PHKG1: variants seen among roughly 807,000 people sequenced by gnomAD.
PHKG1 encodes the protein phosphorylase kinase catalytic subunit gamma 1, also known as phosphorylase b kinase gamma catalytic chain, skeletal muscle/heart isoform.
Under a neutral mutation model 50.5 loss-of-function variants are expected in PHKG1, and 48 were observed. The observed-to-expected ratio is 0.95, with a 90% CI of 0.75 to 1.21. The LOEUF (loss-of-function observed/expected upper bound fraction) is 1.21, where lower values mean the gene tolerates loss of function less well. PHKG1 is among the 50% of genes most tolerant of loss of function. The probability of loss-of-function intolerance (pLI) is 0.00; values close to 1 mark genes in which losing one functional copy is unlikely to be tolerated. For missense variants in PHKG1, 487 were observed against 519.5 expected (o/e 0.94, Z 0.61); for synonymous variants, 204 against 212.8 (o/e 0.96, Z 0.36).
At chr7:56,092,138 G>A (rs1796513370) in intron 1 of PHKG1, among the ~76,000 whole-genome samples, 1 of 152,188 alleles carries the variant, frequency 6.6e-6, no homozygotes, top group African/African-American at 2.4e-5. Context: ...ACCTTTCCTG[G>A]GGGGCTGAGG....
chr7:56,081,061 T>A lies in PHKG1; in HGVS notation c.1157A>T (p.Asp386Val). The change falls in exon 10 of 10, where the codon GAC (aspartate) becomes GTC (valine). Residue 386 changes from aspartate (D) to valine (V), a missense_variant. By Grantham distance (152) the Asp-to-Val change is radical. Coordinates refer to ENST00000297373, the MANE Select transcript of PHKG1 (RefSeq NM_006213.5). This position sits in a 1 kb window ranked among gnomAD's most constrained non-coding sequence, Gnocchi z 4.6. Reference sequence around the variant, plus strand: ...CCCTGACTGGCCAGCCCCTCAGTAGTCCTCCTCGGCCAGGGAGAGGAGCAC... The same window carrying A: ...CCCTGACTGGCCAGCCCCTCAGTAGACCTCCTCGGCCAGGGAGAGGAGCAC... Reference protein sequence around the residue: ...KAVLLSLAEEDY With the variant: ...KAVLLSLAEEVY 6.2e-7 allele frequency: 1 copy of A among 1,612,194 alleles called. No homozygotes were observed. The highest frequency in any genetic ancestry group is 8.5e-7 in the Non-Finnish European group (1 of 1,179,834).
chr7:56,084,026 G>T, intron 4 of PHKG1: 1 of 632,908 alleles, frequency 1.6e-6, no homozygotes, highest in South Asian at 1.9e-5. Flanking sequence ...ACCATTTCAT[G>T]AGGTAGGCAT....
Position 56,083,359 on chromosome 7 carries a change from T to C in PHKG1, c.466A>G (p.Ile156Val). Residue 156 changes from isoleucine to valine, a missense_variant, in exon 6 of 10, where the codon ATT becomes GTT. Transcript: ENST00000297373. Reference sequence around the variant, plus strand: ...ATGTTCATGTTGTCATCCAAGAGAATGTTCTCGGGCTTCAGGTCCCGGTGC... The same window carrying C: ...ATGTTCATGTTGTCATCCAAGAGAACGTTCTCGGGCTTCAGGTCCCGGTGC... ...IVHRDLKPEN[I>V]LLDDNMNIKL... is the part of the protein sequence containing the mutation. 6.2e-7 allele frequency: 1 copy of C among 1,614,136 alleles called. No homozygotes were observed. The highest frequency in any genetic ancestry group is 8.5e-7 in the Non-Finnish European group (1 of 1,180,022).
chr7:56,088,058 C>T (rs1427916053), intron 2 of PHKG1, among the ~76,000 whole-genome samples: 3 of 99,480 alleles, frequency 3.0e-5, no homozygotes, highest in African/African-American at 1.2e-4. Flanking sequence ...TTTTTTGAGA[C>T]GGAGTCTCGC....
chr7:56,083,777 T>C, intron 4 of PHKG1, 62 bp from the exon 5 acceptor site: 1 of 1,179,388 alleles, frequency 8.5e-7, no homozygotes, highest in Non-Finnish European at 1.2e-6. Context: ...CTTACCCTGC[T>C]CCCAGAGAGC....
intron 1 of PHKG1, among the ~76,000 whole-genome samples, chr7:56,090,718 T>C (rs1214260113): frequency 2.0e-5 from 3 of 152,178 alleles, no homozygotes; most frequent in Non-Finnish European, 4.4e-5. Context: ...GTTGGGCAGG[T>C]ACCCCTTTGG....
chr7:56,081,196 C>T lies in PHKG1; in HGVS notation c.1022G>A (p.Arg341Gln), dbSNP rs763494578. 3.2e-5 allele frequency: 52 copies of T among 1,613,788 alleles called. No homozygotes were observed. The highest frequency in any genetic ancestry group is 6.7e-5 in the East Asian group (3 of 44,880). Residue 341 changes from arginine (R) to glutamine (Q), a missense_variant, in exon 10 of 10, where the codon CGG (arginine) becomes CAG (glutamine). Transcript: ENST00000297373. This position sits in a 1 kb window ranked among gnomAD's most constrained non-coding sequence, Gnocchi z 4.6. The stretch of plus-strand genomic sequence containing the variant: ...GGCGTCGATGAGCCGGCGCAGAGGC[C>T]GGAGGGCATAGGGGTCTCGGATGAC... ...EIVIRDPYAL[R>Q]PLRRLIDAYA...
intron 2 of PHKG1, 27 bp from the exon 3 acceptor site, chr7:56,087,803 C>T (rs550444350): frequency 1.0e-5 from 16 of 1,591,224 alleles, no homozygotes; most frequent in East Asian, 4.5e-5. Context: ...CAGATGGCCT[C>T]GGGGGGCCCC....
intron 4 of PHKG1, among the ~76,000 whole-genome samples, chr7:56,086,055 C>T (rs1316267104): frequency 6.6e-6 from 1 of 151,608 alleles, no homozygotes; most frequent in African/African-American, 2.4e-5. Flanking sequence ...GCTAAAATGC[C>T]TGCAGGACCT....
chr7:56,080,726 T>TAGATCTCGGTGGTCG lies in PHKG1; in HGVS notation c.*327_*328insCGACCACCGAGATCT. 1 of 360,014 alleles carries TAGATCTCGGTGGTCG rather than the reference T, an allele frequency of 2.8e-6. No homozygotes were observed. Among genetic ancestry groups the TAGATCTCGGTGGTCG allele is most frequent in the Non-Finnish European group, 5.2e-6 (1 of 192,424 alleles). 22.3% of individuals were successfully genotyped at this position (360,014 alleles called of 1,614,324 possible). A position where few individuals can be genotyped will look rare whatever the true frequency, so the allele number is the denominator to read the frequency against. On this transcript the variant is annotated 3_prime_UTR_variant, in exon 10 of 10. Transcript: ENST00000297373. ...ACCCTAAGGGAAGAAAGCCTGAGTG[T>TAGATCTCGGTGGTCG]CAGTAACTCTGGGCCTCCCCTAAAG...
chr7:56,086,808 C>T (rs777078842), intron 4 of PHKG1, 162 bp downstream of exon 4: 20 of 623,592 alleles, frequency 3.2e-5, no homozygotes, highest in Non-Finnish European at 5.0e-5. Context: ...TTTCCAAAGC[C>T]GGCAGCCTGA....
chr7:56,083,747 G>C (rs1562878512), intron 4 of PHKG1, 32 bp from the exon 5 acceptor site: 1 of 1,462,110 alleles, frequency 6.8e-7, no homozygotes. Context: ...AGCTGGATCG[G>C]TCCCAAGACC....
intron 2 of PHKG1, chr7:56,088,524 T>TAAAAAAAAAAA (rs59230050): frequency 6.8e-6 from 1 of 147,102 alleles, no homozygotes. Flanking sequence ...GACCCTATCT[T>TAAAAAAAAAAA]AAAAAAAAAA....
In PHKG1 at chr7:56,088,856, T is replaced by C. The variant is rs200902571; in HGVS notation, c.83+3A>G. On this transcript the variant is annotated splice_donor_region_variant and intron_variant, in intron 2 of 9. Transcript: ENST00000297373. The stretch of plus-strand genomic sequence containing the variant: ...CACTTCGTGGGGAAAGCTTGGGCTT[T>C]ACCTGCCCAGGATCTCTTTGGGCTC... 17 of 1,608,814 alleles carry C rather than the reference T, an allele frequency of 1.1e-5. No individual in the cohort carries two copies. The highest frequency in any genetic ancestry group is 1.9e-4 in the Middle Eastern group (1 of 5,388).
At chr7:56,083,248 TG>T in intron 6 of PHKG1, 29 bp downstream of exon 6, 2 of 1,610,646 alleles carry the variant, frequency 1.2e-6, no homozygotes, top group Non-Finnish European at 8.5e-7. Context: ...ACCCGAGGCC[TG>T]GACGTGGGCC....
chr7:56,088,836 C>T (rs184867152), intron 2 of PHKG1, 23 bp downstream of exon 2: 9 of 1,573,764 alleles, frequency 5.7e-6, no homozygotes, highest in East Asian at 4.5e-5. Flanking sequence ...GACAGCACTT[C>T]GTGGGGAAAG....
intron 4 of PHKG1, chr7:56,084,317 T>C: frequency 1.2e-6 from 1 of 850,602 alleles, no homozygotes; most frequent in Non-Finnish European, 1.9e-6. Flanking sequence ...GAGGGGACTA[T>C]GAACCACTGG....
rs1212680873 is a variant in PHKG1, at chr7:56,081,555, G to A, written c.918+75C>T. On this transcript the variant is annotated intron_variant, in intron 9 of 9. Coordinates refer to ENST00000297373, the MANE Select transcript of PHKG1 (RefSeq NM_006213.5). This position sits in a 1 kb window ranked among gnomAD's most constrained non-coding sequence, Gnocchi z 4.6. ...TACTCTGGAAATTCACGGGGTGTAA[G>A]GACTCCTGGGAGAGGAGGGGGCTTA... 15 of 1,539,172 alleles carry A rather than the reference G, an allele frequency of 9.7e-6. No individual in the cohort carries two copies. The East Asian group carries it at 2.9e-4, about 30-fold the overall frequency.
At chr7:56,084,389 T>TTTTC in intron 4 of PHKG1, 8 of 562,948 alleles carry the variant, frequency 1.4e-5, no homozygotes, top group Non-Finnish European at 2.2e-5. Context: ...TTTTTTTTTT[T>TTTTC]TTGAGATGGA....
Sources: allele counts gnomAD v4.1 joint callset (sites outside exome capture counted in the v4.1 genomes callset), GRCh38; gene constraint gnomAD v4.1.1; non-coding constraint Gnocchi (gnomAD v3.1); transcripts MANE v1.5; gene names NCBI Gene and HGNC (gene_info 2026-07-23, HGNC 2026-07-21).